PDIA5: variants seen among roughly 807,000 people sequenced by gnomAD.
PDIA5 encodes the protein protein disulfide-isomerase A5.
A neutral mutation model predicts 77.6 loss-of-function variants in PDIA5; 58 were observed. The observed-to-expected ratio is 0.75, with a 90% confidence interval of 0.61 to 0.93. PDIA5 has a LOEUF of 0.93. PDIA5 is among the 40% of genes least tolerant of loss of function. The pLI, the probability that PDIA5 is intolerant of heterozygous loss-of-function variation, is 0.00. For missense variants in PDIA5, 630 were observed against 647.7 expected (o/e 0.97, Z 0.30); for synonymous variants, 250 against 252.1 (o/e 0.99, Z 0.08).
chr3:123,149,965 G>T lies in PDIA5; in HGVS notation c.1143-269G>T, dbSNP rs371186051. ...GGAGTTCGTGGCCCACAACTGGGGGGGCTGCCCTGACCTGAAATGGTGTCA... is the reference window on the plus strand; with the variant it reads ...GGAGTTCGTGGCCCACAACTGGGGGTGCTGCCCTGACCTGAAATGGTGTCA... On this transcript the variant is annotated intron_variant, in intron 13 of 16. Coordinates refer to ENST00000316218, the MANE Select transcript of PDIA5 (RefSeq NM_006810.4). 2.6e-3 allele frequency among the ~76,000 whole-genome samples: 391 copies of T among 152,272 alleles called. 4 individuals are homozygous for T. The highest frequency in any genetic ancestry group is 9.1e-3 in the African/African-American group (379 of 41,540).
chr3:123,151,791 T>TCCTGCCTG (rs1560561727), intron 14 of PDIA5, among the ~76,000 whole-genome samples: 70 of 96,396 alleles, frequency 7.3e-4, no homozygotes, highest in African/African-American at 1.8e-3. Flanking sequence ...TGGCCTGCCT[T>TCCTGCCTG]CCTGCCTGCC....
intron 3 of PDIA5, 147 bp from the exon 4 acceptor site, chr3:123,102,264 T>C (rs1360799524): frequency 7.6e-6 from 5 of 661,944 alleles, no homozygotes; most frequent in Non-Finnish European, 5.5e-6. Flanking sequence ...CCTCTAGCTC[T>C]CACAGCCCAT....
rs148612020 is a variant in PDIA5 at position 123,143,871 on chromosome 3, C to T, written c.911-1651C>T. 7.7e-3 allele frequency among the ~76,000 whole-genome samples: 1,167 copies of T among 152,274 alleles called. 15 individuals are homozygous for T. Among genetic ancestry groups the T allele is most frequent in the African/African-American group, 0.026 (1,099 of 41,558 alleles). On this transcript the variant is annotated intron_variant, in intron 11 of 16. Transcript: ENST00000316218. ...TTCCATGAGGGTCAGTGCCCTTGAC[C>T]GAGTCATGTCTCCAGTGCTCTGTCC...
intron 1 of PDIA5, among the ~76,000 whole-genome samples, chr3:123,075,574 T>C (rs1275569787): frequency 6.6e-6 from 1 of 151,648 alleles, no homozygotes; most frequent in Admixed American, 6.6e-5. Flanking sequence ...GTGGTGGTTG[T>C]GGGGAGGGCA....
At chr3:123,160,514 C>T (rs548882198) in intron 15 of PDIA5, among the ~76,000 whole-genome samples, 4 of 152,284 alleles carry the variant, frequency 2.6e-5, no homozygotes, top group East Asian at 3.9e-4. Context: ...GCTCAGATGG[C>T]GAATCATACA....
intron 8 of PDIA5, among the ~76,000 whole-genome samples, chr3:123,117,374 T>TTTTATATATATATATATATA (rs1553800660): frequency 1.3e-5 from 1 of 79,876 alleles, no homozygotes; most frequent in Non-Finnish European, 2.4e-5. Flanking sequence ...TTCTATGATT[T>TTTTATATATATATATATATA]TATATATATA....
intron 11 of PDIA5, among the ~76,000 whole-genome samples, chr3:123,143,772 C>T (rs1185693152): frequency 6.6e-6 from 1 of 152,198 alleles, no homozygotes; most frequent in Non-Finnish European, 1.5e-5. Context: ...AGCAGTGTCT[C>T]TCTTCCTTGG....
intron 1 of PDIA5, among the ~76,000 whole-genome samples, chr3:123,084,302 C>T (rs752269883): frequency 1.2e-4 from 19 of 152,310 alleles, no homozygotes; most frequent in South Asian, 2.1e-4. Flanking sequence ...TGGCTTCCAG[C>T]TCCCGCCACG....
At chr3:123,077,305 A>G (rs1933880512) in intron 1 of PDIA5, among the ~76,000 whole-genome samples, 1 of 152,222 alleles carries the variant, frequency 6.6e-6, no homozygotes, top group African/African-American at 2.4e-5. Context: ...ATTCAGTTAG[A>G]TAACATGTGA....
intron 2 of PDIA5, 51 bp from the exon 3 acceptor site, chr3:123,092,304 G>A: frequency 6.9e-7 from 1 of 1,448,716 alleles, no homozygotes; most frequent in Non-Finnish European, 9.7e-7. Flanking sequence ...TAGCAGACAT[G>A]ACCCAGTGCC....
chr3:123,129,736 C>T (rs367976053), intron 10 of PDIA5, among the ~76,000 whole-genome samples: 20 of 152,316 alleles, frequency 1.3e-4, no homozygotes, highest in Middle Eastern at 3.4e-3. Context: ...AGGACTGGCA[C>T]ACAGTCACGC....
At chr3:123,089,381 G>A in intron 2 of PDIA5, 87 bp downstream of exon 2, 2 of 1,349,656 alleles carry the variant, frequency 1.5e-6, no homozygotes, top group African/African-American at 1.4e-5. Flanking sequence ...ACGTTAGGAT[G>A]AAAACCACTT....
intron 15 of PDIA5, 51 bp downstream of exon 15, chr3:123,155,092 C>A: frequency 8.0e-7 from 1 of 1,250,254 alleles, no homozygotes; most frequent in Non-Finnish European, 1.2e-6. Flanking sequence ...AATTCCTACA[C>A]CTTCCTTCTT....
In PDIA5 at chr3:123,161,967, C is replaced by T. The variant is rs1936170420; in HGVS notation, c.*7C>T. On this transcript the variant is annotated 3_prime_UTR_variant, in exon 17 of 17. Transcript: ENST00000316218. ...AAAGAAGGAAGAGTTATAATTCCTG[C>T]CTCAGAAAAAGCTTTTCCATTACAC... 1 of 1,551,452 alleles carries T rather than the reference C, an allele frequency of 6.4e-7. No homozygotes were observed. The highest frequency in any genetic ancestry group is 1.1e-5 in the South Asian group (1 of 89,252).
chr3:123,094,534 C>T (rs937634479), intron 3 of PDIA5, among the ~76,000 whole-genome samples: 2 of 152,256 alleles, frequency 1.3e-5, no homozygotes, highest in Non-Finnish European at 2.9e-5. Context: ...TGCCTGTAAT[C>T]ATCAGGGCAT....
At chr3:123,086,586 G>T (rs1186067034) in intron 1 of PDIA5, among the ~76,000 whole-genome samples, 1 of 152,164 alleles carries the variant, frequency 6.6e-6, no homozygotes, top group African/African-American at 2.4e-5. Flanking sequence ...ATAAGCTATG[G>T]TTGCCCCTTT....
intron 6 of PDIA5, among the ~76,000 whole-genome samples, chr3:123,107,485 T>C (rs116189233): frequency 0.017 from 2,607 of 151,416 alleles, 69 homozygotes; most frequent in African/African-American, 0.06. Flanking sequence ...AGCCCAGGAG[T>C]TCAAGGGTAG....
At chr3:123,156,698 GTGAGGGTCC>G (rs1388406900) in intron 15 of PDIA5, among the ~76,000 whole-genome samples, 2 of 152,214 alleles carry the variant, frequency 1.3e-5, no homozygotes, top group African/African-American at 2.4e-5. Flanking sequence ...CAGGAGATCT[GTGAGGGTCC>G]TGAGGCATGA....
chr3:123,106,597 C>T (rs1397634141), intron 5 of PDIA5, 152 bp from the exon 6 acceptor site: 3 of 624,588 alleles, frequency 4.8e-6, no homozygotes, highest in African/African-American at 3.8e-5. Flanking sequence ...GCGGAAATAA[C>T]ACACCCTCCA....
Sources: gnomAD v4.1 joint callset for allele counts (sites outside exome capture counted in the v4.1 genomes callset) on GRCh38, gnomAD v4.1.1 for gene constraint, MANE v1.5 for transcripts, NCBI Gene and HGNC (gene_info 2026-07-23, HGNC 2026-07-21) for gene names.